The following SLC35F1 variants were observed in gnomAD, a reference collection of about 807,000 sequenced individuals.
SLC35F1 encodes the protein solute carrier family 35 member F1.
SLC35F1 carries 14 observed loss-of-function variants against 48.7 expected under a neutral mutation model. That is an observed-to-expected ratio of 0.29 (90% CI 0.19 to 0.45). The LOEUF is 0.45. Ranked by LOEUF, SLC35F1 falls within the 20% of genes least tolerant of loss-of-function variation. The probability of loss-of-function intolerance (pLI) is 1.00; values close to 1 mark genes in which losing one functional copy is unlikely to be tolerated. For synonymous variants in SLC35F1, 190 were observed against 202.2 expected, an observed-to-expected ratio of 0.94 and a Z score of 0.51; for missense variants, 404 against 500.0, an observed-to-expected ratio of 0.81 and a Z score of 1.83.
intron 1 of SLC35F1, among the ~76,000 whole-genome samples, chr6:118,109,542 G>C (rs1773370727): frequency 6.6e-6 from 1 of 152,076 alleles, no homozygotes; most frequent in African/African-American, 2.4e-5. Flanking sequence ...AGTTGTATAT[G>C]AGTTTATGTT....
chr6:118,264,522 C>A (rs750024671), intron 3 of SLC35F1, among the ~76,000 whole-genome samples: 4 of 152,176 alleles, frequency 2.6e-5, no homozygotes, highest in Non-Finnish European at 5.9e-5. Context: ...CAACTCAAAC[C>A]ATTAGAGGAA....
intron 2 of SLC35F1, among the ~76,000 whole-genome samples, chr6:118,211,165 A>G (rs1438148795): frequency 6.6e-6 from 1 of 152,168 alleles, no homozygotes; most frequent in African/African-American, 2.4e-5. Context: ...CTAGCCTCCA[A>G]AACTGTGAGA....
At chr6:118,011,285 C>T (rs779035899) in intron 1 of SLC35F1, among the ~76,000 whole-genome samples, 20 of 152,148 alleles carry the variant, frequency 1.3e-4, no homozygotes, top group Non-Finnish European at 2.8e-4. Flanking sequence ...CTCACAGTTT[C>T]ACAGGCTGTA....
At chr6:117,943,575 A>G (rs533954711) in intron 1 of SLC35F1, among the ~76,000 whole-genome samples, 1 of 152,358 alleles carries the variant, frequency 6.6e-6, no homozygotes, top group African/African-American at 2.4e-5. Context: ...GTAGGAGGTC[A>G]GAAATAATTA....
intron 1 of SLC35F1, among the ~76,000 whole-genome samples, chr6:118,102,664 T>C (rs983388772): frequency 1.3e-5 from 2 of 152,260 alleles, no homozygotes; most frequent in Non-Finnish European, 2.9e-5. Context: ...CAGCCACTGC[T>C]GTGCACCTCA....
chr6:118,155,785 C>G (rs58870459), intron 2 of SLC35F1, among the ~76,000 whole-genome samples: 1 of 151,974 alleles, frequency 6.6e-6, no homozygotes, highest in African/African-American at 2.4e-5. Context: ...ATTTGGAGAC[C>G]ATTATATACA....
In SLC35F1 at chr6:118,315,264, T is replaced by C. The variant is rs1490125001; in HGVS notation, c.*1012T>C. 6.6e-6 allele frequency: 1 copy of C among 152,566 alleles called. No individual in the cohort carries two copies. The allele number at this position is 152,566 out of a possible 1,614,324, so 9.5% of individuals were successfully genotyped here. A position where few individuals can be genotyped will look rare whatever the true frequency, so the allele number is the denominator to read the frequency against. ...AAATTACCTTTATTGTGGAAAATCA[T>C]TGGTTGTGCCACCTCCTAACAAAGT... On this transcript the variant is annotated 3_prime_UTR_variant, in exon 8 of 8. Transcript: ENST00000360388.
intron 1 of SLC35F1, among the ~76,000 whole-genome samples, chr6:118,099,470 TCCTCCTCC>T (rs577434998): frequency 1.5e-4 from 22 of 151,710 alleles, no homozygotes; most frequent in South Asian, 2.1e-4. Context: ...CCACTCCTTC[TCCTCCTCC>T]CCTCCTCCCC....
chr6:118,290,685 C>CT (rs1318905617), intron 7 of SLC35F1, among the ~76,000 whole-genome samples: 1 of 152,082 alleles, frequency 6.6e-6, no homozygotes. Context: ...TTCCCTGTCT[C>CT]TAACATTGGC....
intron 1 of SLC35F1, among the ~76,000 whole-genome samples, chr6:118,016,186 G>C (rs879757638): frequency 6.6e-6 from 1 of 151,964 alleles, no homozygotes; most frequent in Non-Finnish European, 1.5e-5. Flanking sequence ...TCTTGGAATC[G>C]GTTTGCTGTA....
chr6:118,184,588 C>A (rs1774630304), intron 2 of SLC35F1, among the ~76,000 whole-genome samples: 1 of 152,144 alleles, frequency 6.6e-6, no homozygotes. Flanking sequence ...AGTCTTTCAA[C>A]ATCAGGATAT....
At chr6:117,932,295 A>G (rs1776112034) in intron 1 of SLC35F1, among the ~76,000 whole-genome samples, 1 of 152,236 alleles carries the variant, frequency 6.6e-6, no homozygotes, top group Non-Finnish European at 1.5e-5. Context: ...ATTTTGTTAT[A>G]GCAGCAGGAA....
intron 1 of SLC35F1, among the ~76,000 whole-genome samples, chr6:118,011,453 C>T (rs1736173250): frequency 6.6e-6 from 1 of 152,118 alleles, no homozygotes; most frequent in African/African-American, 2.4e-5. Context: ...AACTCATTTA[C>T]TATCACAAGA....
intron 1 of SLC35F1, among the ~76,000 whole-genome samples, chr6:118,061,646 T>C (rs948063133): frequency 3.3e-5 from 5 of 151,890 alleles, no homozygotes; most frequent in African/African-American, 9.7e-5. Flanking sequence ...GCTGTACATA[T>C]GACTTGGGAC....
intron 1 of SLC35F1, among the ~76,000 whole-genome samples, chr6:117,964,143 AG>A (rs2114837454): frequency 6.6e-6 from 1 of 152,328 alleles, no homozygotes; most frequent in South Asian, 2.1e-4. Flanking sequence ...GTCCCTGCAA[AG>A]GACATGATCT....
rs35212559 is a variant in SLC35F1 at position 118,237,997 on chromosome 6, GA to G, written c.477+2368del. On this transcript the variant is annotated intron_variant, in intron 3 of 7. Coordinates refer to ENST00000360388, the MANE Select transcript of SLC35F1 (RefSeq NM_001029858.4). ...TCAGTGCAATCTGAAGTTCTCACTAGAAAAAAACATTGTTTCTTTCCTTCCA... is the reference window on the plus strand; with the variant it reads ...TCAGTGCAATCTGAAGTTCTCACTAGAAAAAACATTGTTTCTTTCCTTCCA... 3.9e-3 allele frequency among the ~76,000 whole-genome samples: 587 copies of G among 152,106 alleles called. 5 individuals carry two copies. The highest frequency in any genetic ancestry group is 9.0e-3 in the Admixed American group (137 of 15,290).
intron 1 of SLC35F1, among the ~76,000 whole-genome samples, chr6:118,053,855 G>A (rs1332694932): frequency 6.6e-6 from 1 of 152,072 alleles, no homozygotes; most frequent in Non-Finnish European, 1.5e-5. Context: ...GGGTCAAAGA[G>A]CAAGAACACT....
At chr6:117,954,343 C>T (rs1365474031) in intron 1 of SLC35F1, among the ~76,000 whole-genome samples, 2 of 152,084 alleles carry the variant, frequency 1.3e-5, no homozygotes, top group Non-Finnish European at 2.9e-5. Context: ...GCAACGTCCA[C>T]CTCCTGGCTT....
chr6:118,124,514 A>G (rs1481156829), intron 1 of SLC35F1, among the ~76,000 whole-genome samples: 1 of 152,324 alleles, frequency 6.6e-6, no homozygotes, highest in East Asian at 1.9e-4. Context: ...AAATATTAAC[A>G]ACAAATACTC....
Sources: gnomAD v4.1 joint callset for allele counts (sites outside exome capture counted in the v4.1 genomes callset) on GRCh38, gnomAD v4.1.1 for gene constraint, MANE v1.5 for transcripts, NCBI Gene and HGNC (gene_info 2026-07-23, HGNC 2026-07-21) for gene names.